Variants in USP43 observed in about 807,000 individuals in gnomAD.
USP43 encodes ubiquitin specific peptidase 43.
USP43 carries 33 observed loss-of-function variants against 90.7 expected under a neutral mutation model. The observed-to-expected ratio is 0.36, with a 90% CI of 0.28 to 0.49. USP43 has a LOEUF of 0.49. USP43 is among the 20% of genes least tolerant of loss of function. USP43 has a pLI of 0.98. For missense variants in USP43, 1,274 were observed against 1,476.4 expected (o/e 0.86, Z 2.25); for synonymous variants, 598 against 615.8 (o/e 0.97, Z 0.43).
At chr17:9,654,643 C>T (rs1475285385) in intron 1 of USP43, among the ~76,000 whole-genome samples, 1 of 146,512 alleles carries the variant, frequency 6.8e-6, no homozygotes, top group Non-Finnish European at 1.5e-5. Context: ...GAGTGAAACA[C>T]TGTCTTAAAA....
At chr17:9,715,278 T>C (rs913728565) in intron 14 of USP43, among the ~76,000 whole-genome samples, 3 of 152,054 alleles carry the variant, frequency 2.0e-5, no homozygotes, top group South Asian at 2.1e-4. Context: ...CCTGGCAACA[T>C]AGTGAGACCC....
intron 4 of USP43, 72 bp downstream of exon 4, chr17:9,675,055 T>C (rs1913679594): frequency 1.5e-6 from 2 of 1,306,224 alleles, no homozygotes; most frequent in Non-Finnish European, 2.2e-6. Flanking sequence ...GCTTCTGGCC[T>C]CACACCTGCC....
intron 1 of USP43, among the ~76,000 whole-genome samples, chr17:9,651,675 G>A (rs1371223984): frequency 6.6e-6 from 1 of 152,098 alleles, no homozygotes; most frequent in Non-Finnish European, 1.5e-5. Context: ...TTAGCCATCT[G>A]GAATTTATAT....
intron 1 of USP43, among the ~76,000 whole-genome samples, chr17:9,652,606 C>T (rs1296803442): frequency 2.6e-5 from 4 of 152,030 alleles, no homozygotes; most frequent in Non-Finnish European, 5.9e-5. Context: ...CGTTTCCTGC[C>T]TGCCTTGGCT....
intron 14 of USP43, among the ~76,000 whole-genome samples, chr17:9,715,775 ATG>A (rs368425387): frequency 1.6e-5 from 1 of 62,418 alleles, no homozygotes; most frequent in East Asian, 4.7e-4. Flanking sequence ...GTTTGTGTCT[ATG>A]TGTGTGTCTC....
chr17:9,724,933 G>A lies in USP43; in HGVS notation c.2336-3021G>A, dbSNP rs1312553064. 3.0e-5 allele frequency among the ~76,000 whole-genome samples: 4 copies of A among 131,672 alleles called. No homozygotes were observed. The South Asian group carries it at 8.9e-4, about 29-fold the overall frequency. The allele number at this position is 131,672 out of a possible 152,430, so 86.4% of individuals were successfully genotyped here. A position where few individuals can be genotyped will look rare whatever the true frequency, so the allele number is the denominator to read the frequency against. ...AGGAAAAGTCTTGTTCTGTGGCGGG[G>A]GGCAGGGGGGCACTAAGCATGGCAC... On this transcript the variant is annotated intron_variant, in intron 14 of 14. Coordinates refer to ENST00000285199, the MANE Select transcript of USP43 (RefSeq NM_153210.5).
chr17:9,701,772 G>C lies in USP43; in HGVS notation c.2011+72G>C. On this transcript the variant is annotated intron_variant, in intron 12 of 14. Transcript: ENST00000285199. The surrounding 1 kb of genome is among the most constrained non-coding windows in gnomAD (Gnocchi z 7.2). ...TCGAGATGTCCCTGGAATGGGTGTTGCTCAGATGCTGAGCTCCCTGGGGCA... is the reference window on the plus strand; with the variant it reads ...TCGAGATGTCCCTGGAATGGGTGTTCCTCAGATGCTGAGCTCCCTGGGGCA... 5.2e-6 allele frequency: 7 copies of C among 1,337,306 alleles called. No homozygotes were observed. Among genetic ancestry groups the C allele is most frequent in the Non-Finnish European group, 7.0e-6 (7 of 995,736 alleles). 82.8% of individuals were successfully genotyped at this position (1,337,306 alleles called of 1,614,324 possible).
At chr17:9,719,474 T>C (rs867586871) in intron 14 of USP43, among the ~76,000 whole-genome samples, 2 of 152,182 alleles carry the variant, frequency 1.3e-5, no homozygotes, top group South Asian at 4.2e-4. Context: ...CTCAAAACCC[T>C]TGGGAGAGGT....
intron 12 of USP43, among the ~76,000 whole-genome samples, chr17:9,703,239 T>G (rs908482610): frequency 3.3e-5 from 5 of 151,714 alleles, no homozygotes; most frequent in Admixed American, 6.6e-5. Flanking sequence ...ACATGAGTGG[T>G]GAAAATAAGG....
intron 7 of USP43, among the ~76,000 whole-genome samples, chr17:9,685,415 C>T (rs1216641492): frequency 2.6e-5 from 4 of 152,142 alleles, no homozygotes; most frequent in Admixed American, 6.5e-5. Flanking sequence ...AGAATATTCT[C>T]GATACCCCAA....
chr17:9,694,280 C>G (rs528562568), intron 9 of USP43, among the ~76,000 whole-genome samples: 2 of 152,188 alleles, frequency 1.3e-5, no homozygotes, highest in Non-Finnish European at 2.9e-5. Flanking sequence ...GTGACCTACA[C>G]CCCATCCATA....
intron 14 of USP43, among the ~76,000 whole-genome samples, chr17:9,718,153 T>C (rs1385260695): frequency 1.3e-5 from 2 of 152,104 alleles, no homozygotes; most frequent in African/African-American, 4.8e-5. Flanking sequence ...TTTTAGAAGT[T>C]TGGCGATGCT....
At chr17:9,702,602 C>T (rs1915637179) in intron 12 of USP43, among the ~76,000 whole-genome samples, 1 of 150,558 alleles carries the variant, frequency 6.6e-6, no homozygotes, top group African/African-American at 2.5e-5. Flanking sequence ...CTCAATCGTT[C>T]ATAATCATCC....
At chr17:9,664,565 A>T (rs1319572294) in intron 2 of USP43, among the ~76,000 whole-genome samples, 1 of 152,002 alleles carries the variant, frequency 6.6e-6, no homozygotes, top group Non-Finnish European at 1.5e-5. Context: ...AAAAGACTCC[A>T]TGGGGGGAGT....
At chr17:9,653,597 A>G (rs75073424) in intron 1 of USP43, among the ~76,000 whole-genome samples, 2 of 138,140 alleles carry the variant, frequency 1.4e-5, no homozygotes, top group Admixed American at 1.4e-4. Context: ...CAAAAAAAGA[A>G]AAAAAAAAAA....
In USP43 at chr17:9,666,655, C is replaced by T; in HGVS notation, c.644C>T (p.Pro215Leu). ...SRGPVSEKLP[P>L]EATKTSENCL... The stretch of plus-strand genomic sequence containing the variant: ...TTCCTCATTTCTTTGCAGCTTCCGC[C>T]TGAAGCCACTAAAACCTCTGAGAAC... Residue 215 changes from proline to leucine, a missense_variant, in exon 3 of 15, where the codon CCT becomes CTT. By Grantham distance (98) the Pro-to-Leu change is moderately conservative. Transcript: ENST00000285199. The T allele has an allele frequency of 6.2e-7, 1 of 1,612,412 alleles. No individual in the cohort carries two copies. Among genetic ancestry groups the T allele is most frequent in the Non-Finnish European group, 8.5e-7 (1 of 1,179,308 alleles).
At chr17:9,679,984 A>G (rs1013600836) in intron 5 of USP43, among the ~76,000 whole-genome samples, 2 of 146,440 alleles carry the variant, frequency 1.4e-5, no homozygotes, top group African/African-American at 2.5e-5. Flanking sequence ...TCATTTTTCT[A>G]TGCTTGTTTA....
At chr17:9,698,255 A>C (rs1370872985) in intron 9 of USP43, among the ~76,000 whole-genome samples, 3 of 152,154 alleles carry the variant, frequency 2.0e-5, no homozygotes, top group African/African-American at 7.2e-5. Flanking sequence ...AGTTTGCAAA[A>C]ATTTTCTCCC....
chr17:9,707,696 A>T (rs566011), intron 12 of USP43, among the ~76,000 whole-genome samples: 32,311 of 149,418 alleles, frequency 0.22, 4,286 homozygotes, highest in African/African-American at 0.36. Context: ...TTTATTAAAC[A>T]TTTTTTTTTA....
Sources: allele counts gnomAD v4.1 joint callset (sites outside exome capture counted in the v4.1 genomes callset), GRCh38; gene constraint gnomAD v4.1.1; non-coding constraint Gnocchi (gnomAD v3.1); transcripts MANE v1.5; gene names NCBI Gene and HGNC (gene_info 2026-07-23, HGNC 2026-07-21).